The following GAD1 variants were observed in gnomAD, a reference collection of about 807,000 sequenced individuals.
GAD1 encodes the protein 67 kDa glutamic acid decarboxylase.
In GAD1, 35 loss-of-function variants were observed where a neutral mutation model predicts 75.2. The observed-to-expected ratio is 0.47, with a 90% confidence interval of 0.36 to 0.62. GAD1 has a LOEUF of 0.62. Among genes scored for constraint, GAD1 ranks in the 20% least tolerant of loss-of-function variants. The pLI is 0.00. For missense variants in GAD1, 490 were observed against 758.5 expected (o/e 0.65, Z 4.16); for synonymous variants, 257 against 271.9 (o/e 0.95, Z 0.54).
Position 170,832,704 on chromosome 2 carries a change from A to G in GAD1, c.547+1512A>G, listed in dbSNP as rs1163582430. Among the ~76,000 whole-genome samples, 3 of 151,412 alleles carry G rather than the reference A, an allele frequency of 2.0e-5. No homozygotes were observed. The East Asian group carries it at 5.8e-4, about 29-fold the overall frequency. ...CACACACACACACACACATACACACATGCCTTCTCATTCTACTGCAACTTC... is the reference window on the plus strand; with the variant it reads ...CACACACACACACACACATACACACGTGCCTTCTCATTCTACTGCAACTTC... On this transcript the variant is annotated intron_variant, in intron 5 of 16. Coordinates refer to ENST00000358196, the MANE Select transcript of GAD1 (RefSeq NM_000817.3).
rs1297565520 is a variant in GAD1 at position 170,853,107 on chromosome 2, A to G, written c.1263+315A>G. The G allele has an allele frequency of 2.3e-6, 1 of 429,420 alleles. No individual in the cohort carries two copies. Among genetic ancestry groups the G allele is most frequent in the East Asian group, 4.9e-5 (1 of 20,440 alleles). The allele number at this position is 429,420 out of a possible 1,614,324, so 26.6% of individuals were successfully genotyped here. A position where few individuals can be genotyped will look rare whatever the true frequency, so the allele number is the denominator to read the frequency against. On this transcript the variant is annotated intron_variant, in intron 13 of 16. Coordinates refer to ENST00000358196, the MANE Select transcript of GAD1 (RefSeq NM_000817.3). The surrounding 1 kb of genome is among the most constrained non-coding windows in gnomAD (Gnocchi z 4.1). ...TGGGAGCAAGTAGGTGAGGCATCCA[A>G]TCAGTTTTGTCCTCAGTGAGGACAA... is the stretch of plus-strand genomic sequence containing the variant.
intron 13 of GAD1, 33 bp downstream of exon 13, chr2:170,852,825 C>T (rs370261209): frequency 6.9e-6 from 11 of 1,586,462 alleles, no homozygotes; most frequent in African/African-American, 2.7e-5. Flanking sequence ...CACTGGGGCC[C>T]GTACGTTCTT....
chr2:170,821,142 C>G (rs186063925), intron 2 of GAD1, among the ~76,000 whole-genome samples: 2 of 152,156 alleles, frequency 1.3e-5, no homozygotes, highest in Admixed American at 1.3e-4. Context: ...GTAGGGTAAG[C>G]GAGTGCTTGG....
chr2:170,853,802 A>C lies in GAD1; in HGVS notation c.1264-71A>C. On this transcript the variant is annotated intron_variant, in intron 13 of 16. Coordinates refer to ENST00000358196, the MANE Select transcript of GAD1 (RefSeq NM_000817.3). The surrounding 1 kb of genome is among the most constrained non-coding windows in gnomAD (Gnocchi z 4.1). ...TGACCCCAAGCCCCTCCTTCCAAGC[A>C]GCCTAGTTTTAAAGCCACCCACATC... is the stretch of plus-strand genomic sequence containing the variant. The C allele has an allele frequency of 6.6e-7, 1 of 1,517,514 alleles. No individual in the cohort carries two copies. The highest frequency in any genetic ancestry group is 9.1e-7 in the Non-Finnish European group (1 of 1,093,040). 94.0% of individuals were successfully genotyped at this position (1,517,514 alleles called of 1,614,324 possible).
At chr2:170,819,429 C>G (rs965107873) in intron 2 of GAD1, among the ~76,000 whole-genome samples, 13 of 151,962 alleles carry the variant, frequency 8.6e-5, no homozygotes, top group Non-Finnish European at 1.9e-4. Context: ...AGAGATCTGT[C>G]AGGAGGTGAC....
chr2:170,815,122 C>T (rs1208308963), upstream of GAD1, among the ~76,000 whole-genome samples: 2 of 152,078 alleles, frequency 1.3e-5, no homozygotes, highest in Non-Finnish European at 2.9e-5. Flanking sequence ...TCTAGGAGGG[C>T]CGGTGGATGG....
At chr2:170,835,760 T>A (rs1015356136) in intron 5 of GAD1, among the ~76,000 whole-genome samples, 1 of 152,208 alleles carries the variant, frequency 6.6e-6, no homozygotes, top group Non-Finnish European at 1.5e-5. Flanking sequence ...GCATATATAT[T>A]TTAATGGCTT....
intron 7 of GAD1, among the ~76,000 whole-genome samples, chr2:170,844,869 A>G (rs763885766): frequency 1.4e-4 from 21 of 152,344 alleles, no homozygotes; most frequent in Middle Eastern, 3.4e-3. Context: ...AATTTGCCTA[A>G]GTTTAATTGT....
chr2:170,845,570 G>C lies in GAD1; in HGVS notation c.816G>C (p.Lys272Asn), dbSNP rs1219260245. The C allele has an allele frequency of 6.2e-7, 1 of 1,614,136 alleles. No homozygotes were observed. The change falls in exon 8 of 17, where the codon AAG (lysine) becomes AAC (asparagine). Residue 272 changes from lysine (K) to asparagine (N), a missense_variant. Transcript: ENST00000358196. ...AARYKYFPEV[K>N]TKGMAAVPKL... ...GCTACAAGTACTTCCCGGAAGTTAA[G>C]ACAAAGGGCATGGCGGCTGTGCCTA...
Position 170,818,556 on chromosome 2 carries a change from ACT to A in GAD1, c.-33_-32del, listed in dbSNP as rs765168470. ...TGTTTCTGCGCCGGACCAGTCGAGG[ACT>A]CTGGACAGTAGAGGCCCCGGGACGA... On this transcript the variant is annotated 5_prime_UTR_variant, in exon 2 of 17. Transcript: ENST00000358196. The surrounding 1 kb of genome is among the most constrained non-coding windows in gnomAD (Gnocchi z 5.9). 6.3e-7 allele frequency: 1 copy of A among 1,591,624 alleles called. No individual in the cohort carries two copies. Among genetic ancestry groups the A allele is most frequent in the Non-Finnish European group, 8.6e-7 (1 of 1,159,764 alleles).
chr2:170,848,647 A>ATTTTTTTTTTTTTTTTTTTTT, intron 11 of GAD1: 1 of 461,024 alleles, frequency 2.2e-6, no homozygotes, highest in Non-Finnish European at 4.3e-6. Flanking sequence ...GACTGGGTGT[A>ATTTTTTTTTTTTTTTTTTTTT]TTTTTTTTTT....
intron 3 of GAD1, among the ~76,000 whole-genome samples, chr2:170,827,215 G>T (rs951104751): frequency 1.3e-5 from 2 of 152,098 alleles, no homozygotes; most frequent in Non-Finnish European, 2.9e-5. Flanking sequence ...CATCACAGTT[G>T]AATTGTAGTC....
chr2:170,847,144 T>C (rs1702650362), intron 10 of GAD1, among the ~76,000 whole-genome samples: 1 of 152,240 alleles, frequency 6.6e-6, no homozygotes, highest in Admixed American at 6.5e-5. Context: ...TCACAGTGTA[T>C]AGACCTTTTT....
intron 10 of GAD1, among the ~76,000 whole-genome samples, chr2:170,847,032 G>A (rs752081580): frequency 6.6e-6 from 1 of 152,144 alleles, no homozygotes; most frequent in Non-Finnish European, 1.5e-5. Flanking sequence ...AAGATTCACA[G>A]ATTTCCCCAA....
intron 6 of GAD1, among the ~76,000 whole-genome samples, chr2:170,841,790 GAA>G (rs1164782722): frequency 1.3e-5 from 2 of 152,284 alleles, no homozygotes; most frequent in South Asian, 4.1e-4. Context: ...AATAAGTCAG[GAA>G]AAGAGTGGAA....
intron 3 of GAD1, among the ~76,000 whole-genome samples, chr2:170,822,732 T>G (rs1218836659): frequency 1.3e-5 from 2 of 152,230 alleles, no homozygotes; most frequent in African/African-American, 2.4e-5. Context: ...GGATTCAAGT[T>G]TCTTTCTTTG....
intron 6 of GAD1, 72 bp from the exon 7 acceptor site, chr2:170,843,973 T>TAGAA: frequency 1.2e-6 from 1 of 827,806 alleles, no homozygotes. Context: ...ACTAAACCAA[T>TAGAA]CCTCTGTGTT....
rs1221755031 is a variant in GAD1, at chr2:170,849,267, CCTT to C, written c.1120-18_1120-16del. 2 of 1,612,936 alleles carry C rather than the reference CCTT, an allele frequency of 1.2e-6. No homozygotes were observed. Among genetic ancestry groups the C allele is most frequent in the African/African-American group, 2.7e-5 (2 of 74,880 alleles). On this transcript the variant is annotated splice_polypyrimidine_tract_variant and intron_variant, in intron 11 of 16. Transcript: ENST00000358196. The stretch of plus-strand genomic sequence containing the variant: ...AATGTCACTGCTCCCCTCTTCCTCT[CCTT>C]TCTCTGTCCCCACAGGCTGCCTGGG...
chr2:170,836,801 C>A lies in GAD1; in HGVS notation c.556C>A (p.Arg186=). ...LKYGVRTGHP[R]FFNQLSTGLD... ...TTCTGTTTCCTATCTAGGTCATCCT[C>A]GATTTTTCAACCAGCTCTCCACTGG... The change falls in exon 6 of 17, where the codon CGA becomes AGA. Residue 186 remains arginine, a synonymous_variant. Transcript: ENST00000358196. 6.2e-7 allele frequency: 1 copy of A among 1,613,304 alleles called. No homozygotes were observed.
Sources: gnomAD v4.1 joint callset for allele counts (sites outside exome capture counted in the v4.1 genomes callset) on GRCh38, gnomAD v4.1.1 for gene constraint, Gnocchi (gnomAD v3.1) non-coding constraint, MANE v1.5 for transcripts, NCBI Gene and HGNC (gene_info 2026-07-23, HGNC 2026-07-21) for gene names.